Variants in ANKRD6 observed in about 807,000 individuals in gnomAD.
ANKRD6 encodes ankyrin repeat domain 6.
A neutral mutation model predicts 82.3 loss-of-function variants in ANKRD6; 56 were observed. The ratio of observed to expected loss-of-function variants is 0.68; its 90% CI spans 0.55 to 0.85. The LOEUF (loss-of-function observed/expected upper bound fraction) is 0.85, where lower values mean the gene tolerates loss of function less well. ANKRD6 is among the 40% of genes least tolerant of loss of function. ANKRD6 has a pLI of 0.00. For missense variants in ANKRD6, 852 were observed against 907.6 expected (o/e 0.94, Z 0.79); for synonymous variants, 347 against 352.1 (o/e 0.99, Z 0.16).
chr6:89,439,361 CA>C (rs1290120355), intron 1 of ANKRD6, among the ~76,000 whole-genome samples: 24 of 152,202 alleles, frequency 1.6e-4, no homozygotes, highest in African/African-American at 5.8e-4. Flanking sequence ...AAGTTTTTGC[CA>C]TGGAATGTGT....
intron 3 of ANKRD6, among the ~76,000 whole-genome samples, chr6:89,598,926 G>T (rs1796472537): frequency 6.6e-6 from 1 of 152,162 alleles, no homozygotes; most frequent in Non-Finnish European, 1.5e-5. Flanking sequence ...TAAGGTTAAT[G>T]ACTTCACAGG....
At chr6:89,534,997 C>T (rs749855899) in intron 1 of ANKRD6, among the ~76,000 whole-genome samples, 1 of 152,154 alleles carries the variant, frequency 6.6e-6, no homozygotes, top group African/African-American at 2.4e-5. Flanking sequence ...GAAACCTCTG[C>T]AGAAACCTGG....
At chr6:89,612,397 G>GTTCTC (rs1563066361) in intron 6 of ANKRD6, 27 bp downstream of exon 6, 1 of 1,525,900 alleles carries the variant, frequency 6.6e-7, no homozygotes, top group Admixed American at 2.0e-5. Flanking sequence ...AGATTCTCAC[G>GTTCTC]TTCTCTCTTT....
At chr6:89,484,849 G>A (rs1036846706) in intron 1 of ANKRD6, among the ~76,000 whole-genome samples, 2 of 152,202 alleles carry the variant, frequency 1.3e-5, no homozygotes, top group African/African-American at 4.8e-5. Context: ...AACTTAATTA[G>A]TGGAGTTTGG....
intron 1 of ANKRD6, among the ~76,000 whole-genome samples, chr6:89,529,763 G>A (rs996734257): frequency 2.4e-4 from 36 of 152,134 alleles, no homozygotes; most frequent in African/African-American, 8.7e-4. Context: ...TGATTTTGTT[G>A]TGTCTCAGCA....
chr6:89,515,016 G>A (rs1781039381), intron 1 of ANKRD6, among the ~76,000 whole-genome samples: 1 of 152,152 alleles, frequency 6.6e-6, no homozygotes, highest in Non-Finnish European at 1.5e-5. Context: ...TTCAAACTCT[G>A]GAGCATTTTC....
intron 1 of ANKRD6, among the ~76,000 whole-genome samples, chr6:89,537,086 C>T (rs974822989): frequency 6.6e-6 from 1 of 151,844 alleles, no homozygotes; most frequent in Non-Finnish European, 1.5e-5. Context: ...TGTGTGTGTA[C>T]AGAAATAGTG....
chr6:89,621,881 C>T (rs780352025), intron 9 of ANKRD6, 41 bp from the exon 10 acceptor site: 87 of 1,574,860 alleles, frequency 5.5e-5, no homozygotes, highest in Middle Eastern at 1.7e-4. Flanking sequence ...ACAGATGCTG[C>T]GCACACCAGT....
chr6:89,631,669 A>G lies in ANKRD6; in HGVS notation c.*665A>G, dbSNP rs949792064. 1.3e-5 allele frequency: 2 copies of G among 152,216 alleles called. No individual in the cohort carries two copies. The highest frequency in any genetic ancestry group is 6.5e-5 in the Admixed American group (1 of 15,276). The allele number at this position is 152,216 out of a possible 1,614,324, so 9.4% of individuals were successfully genotyped here. ...GGCTAACAGCTCTGGAAACAATGAG[A>G]TCAAATGAGAAAGATTCAAATTGTT... On this transcript the variant is annotated 3_prime_UTR_variant, in exon 16 of 16. Coordinates refer to ENST00000339746, the MANE Select transcript of ANKRD6 (RefSeq NM_001242809.2).
chr6:89,537,992 C>G (rs56152417), intron 1 of ANKRD6, among the ~76,000 whole-genome samples: 8,843 of 152,062 alleles, frequency 0.058, 291 homozygotes, highest in South Asian at 0.14. Context: ...GACAGCATGT[C>G]ATTTCATCCT....
At chr6:89,523,634 A>G (rs1175839490) in intron 1 of ANKRD6, among the ~76,000 whole-genome samples, 1 of 152,138 alleles carries the variant, frequency 6.6e-6, no homozygotes, top group Non-Finnish European at 1.5e-5. Context: ...TCTATGCCCC[A>G]AGTACCCATA....
intron 1 of ANKRD6, among the ~76,000 whole-genome samples, chr6:89,460,265 T>G (rs1015977553): frequency 6.6e-6 from 1 of 151,990 alleles, no homozygotes; most frequent in Non-Finnish European, 1.5e-5. Flanking sequence ...CTTTTTTTAC[T>G]TAAAGTTTTA....
intron 1 of ANKRD6, among the ~76,000 whole-genome samples, chr6:89,439,286 T>C (rs1771054079): frequency 6.6e-6 from 1 of 151,898 alleles, no homozygotes; most frequent in South Asian, 2.1e-4. Context: ...ATCATAAGAG[T>C]TTAAAACTAC....
At chr6:89,537,486 A>G (rs1350938225) in intron 1 of ANKRD6, among the ~76,000 whole-genome samples, 1 of 152,158 alleles carries the variant, frequency 6.6e-6, no homozygotes, top group Non-Finnish European at 1.5e-5. Flanking sequence ...TAATGCCACA[A>G]CAAAATGGAC....
intron 1 of ANKRD6, among the ~76,000 whole-genome samples, chr6:89,512,830 A>T (rs939987789): frequency 5.9e-5 from 9 of 152,214 alleles, no homozygotes; most frequent in African/African-American, 2.2e-4. Flanking sequence ...GTCTTAGAAG[A>T]GTGAATGGTT....
intron 1 of ANKRD6, among the ~76,000 whole-genome samples, chr6:89,451,773 TA>T (rs1345187240): frequency 6.6e-6 from 1 of 152,224 alleles, no homozygotes; most frequent in Non-Finnish European, 1.5e-5. Context: ...CATCTAAAAA[TA>T]GAACATAAAA....
intron 1 of ANKRD6, among the ~76,000 whole-genome samples, chr6:89,504,613 C>A (rs1208207657): frequency 6.6e-6 from 1 of 152,064 alleles, no homozygotes; most frequent in Non-Finnish European, 1.5e-5. Context: ...CTATATTGAC[C>A]AGGCTGGTCT....
intron 1 of ANKRD6, among the ~76,000 whole-genome samples, chr6:89,458,620 C>G (rs958878299): frequency 1.3e-5 from 2 of 152,206 alleles, no homozygotes; most frequent in Non-Finnish European, 2.9e-5. Context: ...GGCTGGAAGA[C>G]TCAGCAAGTC....
intron 2 of ANKRD6, among the ~76,000 whole-genome samples, chr6:89,586,034 G>A (rs540345750): frequency 7.2e-5 from 11 of 152,166 alleles, no homozygotes; most frequent in Non-Finnish European, 1.6e-4. Context: ...TTTTCATGTA[G>A]TCAGCACAAC....
Sources: allele counts gnomAD v4.1 joint callset (sites outside exome capture counted in the v4.1 genomes callset), GRCh38; gene constraint gnomAD v4.1.1; transcripts MANE v1.5; gene names NCBI Gene and HGNC (gene_info 2026-07-23, HGNC 2026-07-21).